CDKAL1: variants seen among roughly 807,000 people sequenced by gnomAD.
CDKAL1 encodes the protein threonylcarbamoyladenosine tRNA methylthiotransferase.
Under a neutral mutation model 68.2 loss-of-function variants are expected in CDKAL1, and 32 were observed. The ratio of observed to expected loss-of-function variants is 0.47; its 90% CI spans 0.35 to 0.63. CDKAL1 has a LOEUF of 0.63. CDKAL1 is among the 30% of genes least tolerant of loss of function. The probability of loss-of-function intolerance (pLI) is 0.00; values close to 1 mark genes in which losing one functional copy is unlikely to be tolerated. For missense variants in CDKAL1, 606 were observed against 696.7 expected (o/e 0.87, Z 1.47); for synonymous variants, 234 against 244.3 (o/e 0.96, Z 0.39).
intron 7 of CDKAL1, among the ~76,000 whole-genome samples, chr6:20,759,037 G>A (rs573783337): frequency 6.6e-6 from 1 of 152,206 alleles, no homozygotes; most frequent in South Asian, 2.1e-4. Context: ...TACTTAGGAA[G>A]TTGAAGCTGG....
chr6:20,573,573 A>G (rs1764795805), intron 4 of CDKAL1, among the ~76,000 whole-genome samples: 1 of 152,168 alleles, frequency 6.6e-6, no homozygotes, highest in Non-Finnish European at 1.5e-5. Flanking sequence ...AAAAGTCAAA[A>G]TTAGATTTCT....
intron 8 of CDKAL1, among the ~76,000 whole-genome samples, chr6:20,843,179 ATTGT>A (rs1250884949): frequency 2.0e-5 from 3 of 152,118 alleles, no homozygotes; most frequent in Admixed American, 6.5e-5. Flanking sequence ...TCCTCACAGA[ATTGT>A]TTAATAGTCA....
At chr6:20,684,765 A>T (rs1770544370) in intron 5 of CDKAL1, among the ~76,000 whole-genome samples, 1 of 152,200 alleles carries the variant, frequency 6.6e-6, no homozygotes, top group African/African-American at 2.4e-5. Context: ...TCCTGATGAC[A>T]TATGATGTGG....
chr6:21,067,023 T>C, intron 12 of CDKAL1, among the ~76,000 whole-genome samples: 1 of 152,214 alleles, frequency 6.6e-6, no homozygotes, highest in Non-Finnish European at 1.5e-5. Flanking sequence ...GTTCAATCTA[T>C]TCTTTTTTTA....
chr6:20,556,074 C>A (rs1764031369), intron 4 of CDKAL1, among the ~76,000 whole-genome samples: 2 of 151,976 alleles, frequency 1.3e-5, no homozygotes, highest in Non-Finnish European at 1.5e-5. Context: ...TGAAAGTAAG[C>A]TGTTTCTTGG....
chr6:21,198,620 C>G (rs550029311), intron 14 of CDKAL1, among the ~76,000 whole-genome samples: 14 of 152,264 alleles, frequency 9.2e-5, no homozygotes, highest in Non-Finnish European at 1.8e-4. Context: ...ATGCTGGGAG[C>G]AGAGGAAAAG....
At chr6:20,903,785 A>T (rs928782680) in intron 9 of CDKAL1, among the ~76,000 whole-genome samples, 1 of 152,228 alleles carries the variant, frequency 6.6e-6, no homozygotes, top group African/African-American at 2.4e-5. Context: ...TAGAAATTAT[A>T]GTCTGAAAAG....
At chr6:20,730,043 G>A (rs1772837570) in intron 5 of CDKAL1, among the ~76,000 whole-genome samples, 1 of 152,162 alleles carries the variant, frequency 6.6e-6, no homozygotes, top group Non-Finnish European at 1.5e-5. Context: ...ACATTGGCCT[G>A]GCACAGTGGC....
At chr6:20,958,384 G>A (rs1403632892) in intron 10 of CDKAL1, among the ~76,000 whole-genome samples, 6 of 152,100 alleles carry the variant, frequency 3.9e-5, no homozygotes, top group Admixed American at 2.6e-4. Context: ...CAAACACATC[G>A]TATGTAACAG....
Position 21,069,774 on chromosome 6 carries a change from C to CT in CDKAL1, c.1236+4576dup, listed in dbSNP as rs60241965. On this transcript the variant is annotated intron_variant, in intron 12 of 15. Coordinates refer to ENST00000274695, the MANE Select transcript of CDKAL1 (RefSeq NM_017774.3). Reference sequence around the variant, plus strand: ...CAATAAAATCCCCCAGATTTTCTTTCTTTTTTTTTTTTTTTTTTTTTTTTT... The same window carrying CT: ...CAATAAAATCCCCCAGATTTTCTTTCTTTTTTTTTTTTTTTTTTTTTTTTTT... Among the ~76,000 whole-genome samples, 361 of 69,946 alleles carry CT rather than the reference C, an allele frequency of 5.2e-3. 7 individuals carry two copies. The highest frequency in any genetic ancestry group is 7.7e-3 in the Non-Finnish European group (302 of 39,186). The allele number at this position is 69,946 out of a possible 152,430, so 45.9% of individuals were successfully genotyped here.
chr6:20,943,949 A>G (rs1764112608), intron 9 of CDKAL1, among the ~76,000 whole-genome samples: 1 of 152,212 alleles, frequency 6.6e-6, no homozygotes, highest in Admixed American at 6.5e-5. Flanking sequence ...ACCATAGTCA[A>G]TAGTTTAGCC....
At chr6:20,829,991 G>A (rs1777648535) in intron 8 of CDKAL1, among the ~76,000 whole-genome samples, 1 of 152,136 alleles carries the variant, frequency 6.6e-6, no homozygotes, top group African/African-American at 2.4e-5. Flanking sequence ...TGAGTAGCTG[G>A]ATTACAGGCA....
intron 13 of CDKAL1, among the ~76,000 whole-genome samples, chr6:21,156,687 A>G (rs562222547): frequency 2.3e-4 from 35 of 152,204 alleles, no homozygotes; most frequent in African/African-American, 8.2e-4. Context: ...AGAACGATGG[A>G]TGTAAGGAAG....
At chr6:20,814,924 T>C (rs1041079453) in intron 8 of CDKAL1, among the ~76,000 whole-genome samples, 1 of 152,218 alleles carries the variant, frequency 6.6e-6, no homozygotes, top group Admixed American at 6.5e-5. Context: ...GCTGCCATGC[T>C]TTCTTGGGGT....
chr6:20,612,269 G>A (rs568504845), intron 4 of CDKAL1, among the ~76,000 whole-genome samples: 15 of 151,844 alleles, frequency 9.9e-5, no homozygotes, highest in South Asian at 4.2e-4. Flanking sequence ...ATAAATACCC[G>A]TTAGTGGGAT....
rs557999777 is a variant in CDKAL1 at position 21,056,059 on chromosome 6, C to T, written c.1056-8989C>T. 5.4e-4 allele frequency among the ~76,000 whole-genome samples: 82 copies of T among 152,244 alleles called. 3 individuals are homozygous for T. Among genetic ancestry groups the T allele is most frequent in the African/African-American group, 1.9e-3 (77 of 41,556 alleles). On this transcript the variant is annotated intron_variant, in intron 11 of 15. Coordinates refer to ENST00000274695, the MANE Select transcript of CDKAL1 (RefSeq NM_017774.3). ...TTGTTTCTTGACTTTTTACTAATTG[C>T]CATTCTGACTGGTGTGAGATGGTAT...
At chr6:20,729,584 C>T (rs1361734000) in intron 5 of CDKAL1, among the ~76,000 whole-genome samples, 5 of 152,334 alleles carry the variant, frequency 3.3e-5, no homozygotes. Flanking sequence ...TACTGCGTGG[C>T]AGCACTTTTA....
chr6:21,195,035 G>A (rs929895039), intron 13 of CDKAL1, among the ~76,000 whole-genome samples: 9 of 152,044 alleles, frequency 5.9e-5, no homozygotes, highest in East Asian at 3.9e-4. Flanking sequence ...TCCAACTCCC[G>A]GGCTCAAGCA....
intron 10 of CDKAL1, among the ~76,000 whole-genome samples, chr6:20,998,337 C>T (rs569670108): frequency 5.3e-4 from 81 of 152,262 alleles, no homozygotes; most frequent in African/African-American, 1.8e-3. Flanking sequence ...TGAGGCCAGG[C>T]GCGGTGGCTC....
Sources: allele counts gnomAD v4.1 joint callset (sites outside exome capture counted in the v4.1 genomes callset), GRCh38; gene constraint gnomAD v4.1.1; transcripts MANE v1.5; gene names NCBI Gene and HGNC (gene_info 2026-07-23, HGNC 2026-07-21).